Variants in PPP3CA observed in about 807,000 individuals in gnomAD.
The protein encoded by PPP3CA is protein phosphatase 3 catalytic subunit alpha, also known as CAM-PRP catalytic subunit.
A neutral mutation model predicts 66.5 loss-of-function variants in PPP3CA; 14 were observed. The ratio of observed to expected loss-of-function variants is 0.21; its 90% CI spans 0.14 to 0.33. PPP3CA has a LOEUF of 0.33. Ranked by LOEUF, PPP3CA falls within the 10% of genes least tolerant of loss-of-function variation. The probability of loss-of-function intolerance (pLI) is 1.00; values close to 1 mark genes in which losing one functional copy is unlikely to be tolerated. For missense variants in PPP3CA, 317 were observed against 639.5 expected, an observed-to-expected ratio of 0.50 and a Z score of 5.44; for synonymous variants, 232 against 226.2, an observed-to-expected ratio of 1.03 and a Z score of -0.23.
chr4:101,310,022 T>C (rs933874461), intron 1 of PPP3CA, among the ~76,000 whole-genome samples: 3 of 152,192 alleles, frequency 2.0e-5, no homozygotes, highest in Non-Finnish European at 4.4e-5. Flanking sequence ...ACCCAATCAA[T>C]TATCATGGTA....
chr4:101,246,651 C>G (rs1377421310), intron 1 of PPP3CA, among the ~76,000 whole-genome samples: 1 of 152,040 alleles, frequency 6.6e-6, no homozygotes, highest in East Asian at 1.9e-4. Context: ...TATAAAACAA[C>G]TGTGAATTAA....
At chr4:101,275,354 A>G (rs1727456503) in intron 1 of PPP3CA, among the ~76,000 whole-genome samples, 1 of 152,118 alleles carries the variant, frequency 6.6e-6, no homozygotes, top group Non-Finnish European at 1.5e-5. Context: ...ATGTACTCTC[A>G]CAGTACCATG....
chr4:101,287,693 T>C (rs919263209), intron 1 of PPP3CA, among the ~76,000 whole-genome samples: 13 of 151,930 alleles, frequency 8.6e-5, no homozygotes, highest in Admixed American at 8.5e-4. Flanking sequence ...ATTATTTTTC[T>C]GCCTTCCAAG....
rs563019067 is a variant in PPP3CA, at chr4:101,253,332, C to T, written c.59-57216G>A. Among the ~76,000 whole-genome samples, 4 of 152,120 alleles carry T rather than the reference C, an allele frequency of 2.6e-5. No homozygotes were observed. The East Asian group carries it at 5.8e-4, about 22-fold the overall frequency. ...CAGATGGTGAATGTTAACTTGGCAC[C>T]GTTCCACCATCTGCTCTTTGCATAG... On this transcript the variant is annotated intron_variant, in intron 1 of 13. Transcript: ENST00000394854.
intron 2 of PPP3CA, among the ~76,000 whole-genome samples, chr4:101,179,653 G>C (rs1415018828): frequency 6.6e-6 from 1 of 152,100 alleles, no homozygotes; most frequent in Non-Finnish European, 1.5e-5. Context: ...CATGCTAAGA[G>C]CAACTGGACA....
At chr4:101,323,810 T>C (rs1729113765) in intron 1 of PPP3CA, among the ~76,000 whole-genome samples, 1 of 152,114 alleles carries the variant, frequency 6.6e-6, no homozygotes, top group Non-Finnish European at 1.5e-5. Flanking sequence ...CGTGTTTTAA[T>C]GACAAGAAAA....
intron 2 of PPP3CA, among the ~76,000 whole-genome samples, chr4:101,168,662 G>A (rs1459344139): frequency 6.6e-6 from 1 of 152,022 alleles, no homozygotes; most frequent in South Asian, 2.1e-4. Flanking sequence ...AAAGAAAGAG[G>A]GAGTGTCAAC....
chr4:101,211,167 A>G (rs1188375254), intron 1 of PPP3CA, among the ~76,000 whole-genome samples: 4 of 152,082 alleles, frequency 2.6e-5, no homozygotes, highest in African/African-American at 9.7e-5. Context: ...AAGCAGGGGA[A>G]GCCAGGGCTC....
At chr4:101,034,230 C>T (rs987097101) in intron 11 of PPP3CA, among the ~76,000 whole-genome samples, 6 of 152,252 alleles carry the variant, frequency 3.9e-5, no homozygotes, top group East Asian at 3.9e-4. Context: ...CACTGAGGGG[C>T]GCTGCACTTT....
rs1340708733 is a variant in PPP3CA at position 101,243,587 on chromosome 4, A to G, written c.59-47471T>C. ...TAGAATTTACATTGTATTAAGGATT[A>G]TAAGTAATCTAGAAATGATTTCAAA... On this transcript the variant is annotated intron_variant, in intron 1 of 13. Coordinates refer to ENST00000394854, the MANE Select transcript of PPP3CA (RefSeq NM_000944.5). Among the ~76,000 whole-genome samples the G allele has an allele frequency of 3.3e-5, 5 of 152,326 alleles. No homozygotes were observed. In the East Asian group the frequency reaches 9.7e-4, roughly 29 times the overall value.
At chr4:101,104,616 G>A (rs550712659) in intron 3 of PPP3CA, among the ~76,000 whole-genome samples, 134 of 152,192 alleles carry the variant, frequency 8.8e-4, no homozygotes, top group Middle Eastern at 3.4e-3. Flanking sequence ...GTATTTACAT[G>A]TTCCTTGCAA....
rs1383527976 is a variant in PPP3CA, at chr4:101,106,433, G to GA, written c.384+2520dup. Among the ~76,000 whole-genome samples the GA allele has an allele frequency of 5.5e-3, 64 of 11,738 alleles. 17 individuals are homozygous for GA. The highest frequency in any genetic ancestry group is 0.017 in the African/African-American group (61 of 3,676). 7.7% of individuals were successfully genotyped at this position (11,738 alleles called of 152,430 possible). The stretch of plus-strand genomic sequence containing the variant: ...AGAAAGAAAGAAAGAAAGAAAGAAA[G>GA]AAAGAAAGAAAGAAAGAAAGAGAAA... On this transcript the variant is annotated intron_variant, in intron 3 of 13. Coordinates refer to ENST00000394854, the MANE Select transcript of PPP3CA (RefSeq NM_000944.5).
chr4:101,172,786 A>G (rs1002599228), intron 2 of PPP3CA, among the ~76,000 whole-genome samples: 11 of 152,162 alleles, frequency 7.2e-5, no homozygotes, highest in Non-Finnish European at 1.6e-4. Flanking sequence ...CACAAGACAT[A>G]TTAAACATAA....
intron 1 of PPP3CA, among the ~76,000 whole-genome samples, chr4:101,236,027 G>A (rs578073557): frequency 2.7e-5 from 4 of 150,026 alleles, no homozygotes; most frequent in East Asian, 3.9e-4. Context: ...TGACTGCCAA[G>A]CTCTGAAAAA....
intron 2 of PPP3CA, among the ~76,000 whole-genome samples, chr4:101,193,065 C>T (rs1341501595): frequency 1.3e-5 from 2 of 152,188 alleles, no homozygotes; most frequent in African/African-American, 4.8e-5. Flanking sequence ...TCCTAATTTG[C>T]TTGAATACAC....
At chr4:101,256,516 AT>A (rs1246541945) in intron 1 of PPP3CA, among the ~76,000 whole-genome samples, 2 of 152,124 alleles carry the variant, frequency 1.3e-5, no homozygotes, top group East Asian at 3.9e-4. Flanking sequence ...AAAGGCAAAT[AT>A]TTGGCTAGCA....
intron 1 of PPP3CA, among the ~76,000 whole-genome samples, chr4:101,330,643 T>C (rs1729355284): frequency 6.6e-6 from 1 of 152,180 alleles, no homozygotes; most frequent in Non-Finnish European, 1.5e-5. Flanking sequence ...TTCGCTCTAT[T>C]GTGGCAGTCT....
chr4:101,151,798 A>T (rs1310233660), intron 2 of PPP3CA, among the ~76,000 whole-genome samples: 1 of 151,150 alleles, frequency 6.6e-6, no homozygotes, highest in African/African-American at 2.4e-5. Context: ...CTGGGACTAC[A>T]GGAGCATGCC....
chr4:101,210,501 T>C (rs774110806), intron 1 of PPP3CA, among the ~76,000 whole-genome samples: 27 of 152,244 alleles, frequency 1.8e-4, no homozygotes, highest in Middle Eastern at 3.4e-3. Context: ...CAAACTAATA[T>C]TTGTAAGGTG....
Sources: gnomAD v4.1 joint callset for allele counts (sites outside exome capture counted in the v4.1 genomes callset) on GRCh38, gnomAD v4.1.1 for gene constraint, MANE v1.5 for transcripts, NCBI Gene and HGNC (gene_info 2026-07-23, HGNC 2026-07-21) for gene names.